SVOP: variants seen among roughly 807,000 people sequenced by gnomAD.
The protein encoded by SVOP is SV2 related protein.
In SVOP, 17 loss-of-function variants were observed where a neutral mutation model predicts 69.1. The observed-to-expected ratio is 0.25, with a 90% CI of 0.17 to 0.37. The LOEUF (loss-of-function observed/expected upper bound fraction) is 0.37, where lower values mean the gene tolerates loss of function less well. Among genes scored for constraint, SVOP ranks in the 10% least tolerant of loss-of-function variants. The probability of loss-of-function intolerance (pLI) is 1.00; values close to 1 mark genes in which losing one functional copy is unlikely to be tolerated. For missense variants in SVOP, 435 were observed against 597.5 expected (o/e 0.73, Z 2.84); for synonymous variants, 238 against 238.6 (o/e 1.00, Z 0.02).
intron 1 of SVOP, among the ~76,000 whole-genome samples, chr12:109,020,139 T>C (rs2040388651): frequency 6.6e-6 from 1 of 152,204 alleles, no homozygotes; most frequent in South Asian, 2.1e-4. Context: ...GGTTGCTTGA[T>C]ATTTCCCCCA....
At chr12:108,980,622 C>A (rs1035516850) in intron 2 of SVOP, among the ~76,000 whole-genome samples, 2 of 131,022 alleles carry the variant, frequency 1.5e-5, no homozygotes, top group East Asian at 4.2e-4. Flanking sequence ...CGGTGGCGGG[C>A]GCCTGTAGTC....
chr12:109,015,187 G>C (rs1447520942), intron 1 of SVOP, among the ~76,000 whole-genome samples: 2 of 152,198 alleles, frequency 1.3e-5, no homozygotes, highest in African/African-American at 4.8e-5. Flanking sequence ...GGTGGATCCT[G>C]AGGCAGGAGC....
At chr12:108,988,536 A>T (rs2040179138) in intron 1 of SVOP, among the ~76,000 whole-genome samples, 1 of 152,146 alleles carries the variant, frequency 6.6e-6, no homozygotes, top group African/African-American at 2.4e-5. Context: ...TAATCAAATC[A>T]TATGATTCGA....
At chr12:109,008,998 G>A (rs1168571830) in intron 1 of SVOP, among the ~76,000 whole-genome samples, 1 of 119,972 alleles carries the variant, frequency 8.3e-6, no homozygotes, top group Non-Finnish European at 1.6e-5. Flanking sequence ...GTCTCGCTCT[G>A]TCACCCAGGC....
rs2039668968 is a variant in SVOP at position 108,909,749 on chromosome 12, T to G, written c.*2786A>C. 1 of 152,208 alleles carries G rather than the reference T, an allele frequency of 6.6e-6. No individual in the cohort carries two copies. The highest frequency in any genetic ancestry group is 1.5e-5 in the Non-Finnish European group (1 of 68,038). The allele number at this position is 152,208 out of a possible 1,614,324, so 9.4% of individuals were successfully genotyped here. The stretch of plus-strand genomic sequence containing the variant: ...AAATATCTTTTGCCACTTTCTGAGA[T>G]CTTTCGTAACTCTAAGAGAAACATG... On this transcript the variant is annotated 3_prime_UTR_variant, in exon 16 of 16. Transcript: ENST00000610966.
At chr12:108,993,679 G>A (rs2040215706) in intron 1 of SVOP, among the ~76,000 whole-genome samples, 1 of 152,196 alleles carries the variant, frequency 6.6e-6, no homozygotes, top group Non-Finnish European at 1.5e-5. Flanking sequence ...AAGGCTTATG[G>A]TGGGGGTGAC....
At chr12:109,005,159 CTG>C (rs2135625354) in intron 1 of SVOP, among the ~76,000 whole-genome samples, 1 of 152,324 alleles carries the variant, frequency 6.6e-6, no homozygotes, top group African/African-American at 2.4e-5. Context: ...CTGTGATTAT[CTG>C]TGTGTGGAAT....
intron 12 of SVOP, among the ~76,000 whole-genome samples, chr12:108,921,947 T>C (rs2039750475): frequency 6.6e-6 from 1 of 152,228 alleles, no homozygotes; most frequent in South Asian, 2.1e-4. Context: ...ATTGTAGTTG[T>C]AATAATTATT....
chr12:109,014,847 A>G (rs1203286393), intron 1 of SVOP, among the ~76,000 whole-genome samples: 2 of 152,050 alleles, frequency 1.3e-5, no homozygotes, highest in African/African-American at 4.8e-5. Flanking sequence ...TCAGCCTCCT[A>G]AGTAGCTGGG....
At chr12:109,004,095 A>G (rs1392152498) in intron 1 of SVOP, among the ~76,000 whole-genome samples, 1 of 152,194 alleles carries the variant, frequency 6.6e-6, no homozygotes, top group African/African-American at 2.4e-5. Context: ...AGAATTTGTC[A>G]ACTACATGAG....
intron 11 of SVOP, among the ~76,000 whole-genome samples, chr12:108,932,663 G>A (rs1341197431): frequency 1.3e-5 from 2 of 151,942 alleles, no homozygotes; most frequent in South Asian, 2.1e-4. Context: ...GGCCATGATG[G>A]GAAGGAGGTT....
In SVOP at chr12:109,019,615, T is replaced by C. The variant is rs185569150; in HGVS notation, c.35+1219A>G. On this transcript the variant is annotated intron_variant, in intron 1 of 15. Coordinates refer to ENST00000610966, the MANE Select transcript of SVOP (RefSeq NM_018711.5). The stretch of plus-strand genomic sequence containing the variant: ...CAGACCTTTACATTTTTATGTACTG[T>C]TATATCTACGTCTGGATATTATTAC... 1.5e-3 allele frequency among the ~76,000 whole-genome samples: 227 copies of C among 152,338 alleles called. 1 individual carries two copies. Among genetic ancestry groups the C allele is most frequent in the Middle Eastern group, 6.8e-3 (2 of 294 alleles).
chr12:108,934,265 G>T lies in SVOP; in HGVS notation c.978C>A (p.Ser326=). The T allele has an allele frequency of 6.2e-7, 1 of 1,602,286 alleles. No homozygotes were observed. Among genetic ancestry groups the T allele is most frequent in the Non-Finnish European group, 8.5e-7 (1 of 1,174,446 alleles). The part of the protein sequence containing the change: ...TTLLLWFIWF[S]NAFSYYGLVL... ...CTAACCCGTAGTAAGAGAATGCATTGGAAAACCTGCCAGGAGAAAGCAAGA... is the reference window on the plus strand; with the variant it reads ...CTAACCCGTAGTAAGAGAATGCATTTGAAAACCTGCCAGGAGAAAGCAAGA... Residue 326 remains serine (S), a synonymous_variant, in exon 11 of 16, where the codon TCC becomes TCA. Transcript: ENST00000610966.
At chr12:109,020,754 A>ACACCCC in intron 1 of SVOP, 80 bp downstream of exon 1, 1 of 237,610 alleles carries the variant, frequency 4.2e-6, no homozygotes, top group Admixed American at 6.1e-5. Context: ...GCAGAGATGT[A>ACACCCC]CCCCCCCCCA....
chr12:108,979,006 GTTAA>G (rs1423428638), intron 2 of SVOP, among the ~76,000 whole-genome samples: 1 of 152,104 alleles, frequency 6.6e-6, no homozygotes, highest in Non-Finnish European at 1.5e-5. Flanking sequence ...AAAGTATATT[GTTAA>G]TTAATGTTTA....
intron 1 of SVOP, among the ~76,000 whole-genome samples, chr12:109,015,184 C>A (rs1054990936): frequency 2.6e-5 from 4 of 152,154 alleles, no homozygotes; most frequent in Non-Finnish European, 5.9e-5. Flanking sequence ...GCGGGTGGAT[C>A]CTGAGGCAGG....
intron 2 of SVOP, among the ~76,000 whole-genome samples, chr12:108,982,581 T>C (rs1273363255): frequency 1.3e-5 from 2 of 151,168 alleles, no homozygotes; most frequent in African/African-American, 4.9e-5. Context: ...TTCACCATTA[T>C]CATCATCACT....
chr12:108,986,115 C>T (rs2040164674), intron 1 of SVOP, among the ~76,000 whole-genome samples: 1 of 152,196 alleles, frequency 6.6e-6, no homozygotes, highest in South Asian at 2.1e-4. Context: ...ATTTCACCCC[C>T]TCTACCACAG....
chr12:108,989,152 C>A (rs548733706), intron 1 of SVOP, among the ~76,000 whole-genome samples: 1 of 152,112 alleles, frequency 6.6e-6, no homozygotes, highest in African/African-American at 2.4e-5. Context: ...TCCCTACAGC[C>A]TCAAACTCCT....
Sources: allele counts gnomAD v4.1 joint callset (sites outside exome capture counted in the v4.1 genomes callset), GRCh38; gene constraint gnomAD v4.1.1; transcripts MANE v1.5; gene names NCBI Gene and HGNC (gene_info 2026-07-23, HGNC 2026-07-21).